Variants in RGS20 observed in about 807,000 individuals in gnomAD.
RGS20 encodes the protein gz-selective GTPase-activating protein.
RGS20 carries 30 observed loss-of-function variants against 33.6 expected under a neutral mutation model. The ratio of observed to expected loss-of-function variants is 0.89; its 90% CI spans 0.67 to 1.21. The LOEUF (loss-of-function observed/expected upper bound fraction) is 1.21. Among genes scored for constraint, RGS20 ranks in the 50% most tolerant of loss-of-function variants. The pLI is 0.00. For synonymous variants in RGS20, 208 were observed against 197.9 expected, an observed-to-expected ratio of 1.05 and a Z score of -0.43; for missense variants, 472 against 502.4, an observed-to-expected ratio of 0.94 and a Z score of 0.58.
intron 2 of RGS20, among the ~76,000 whole-genome samples, chr8:53,892,108 T>G (rs937317930): frequency 3.9e-5 from 6 of 152,178 alleles, no homozygotes; most frequent in African/African-American, 1.4e-4. Context: ...TTCTCATTGT[T>G]CAGTTCCCAC....
At position 53,886,452 on chromosome 8, in the gene RGS20, A is replaced by G. The variant is rs1456510481; in HGVS notation, c.510+6850A>G. On this transcript the variant is annotated intron_variant, in intron 2 of 5. Transcript: ENST00000297313. ...TGAGTAATATGCTCTGTTGCCCAGC[A>G]GTGATATTTTACATGAGTTATTTCA... 2.6e-5 allele frequency among the ~76,000 whole-genome samples: 4 copies of G among 152,258 alleles called. No homozygotes were observed. In the East Asian group the frequency reaches 7.7e-4, roughly 29 times the overall value.
At chr8:53,852,625 G>A (rs1811591394) in intron 1 of RGS20, among the ~76,000 whole-genome samples, 1 of 152,088 alleles carries the variant, frequency 6.6e-6, no homozygotes, top group Non-Finnish European at 1.5e-5. Flanking sequence ...GCTGGATGTT[G>A]TGTGTATATT....
At chr8:53,957,680 A>G (rs1168141152) in intron 5 of RGS20, among the ~76,000 whole-genome samples, 2 of 152,206 alleles carry the variant, frequency 1.3e-5, no homozygotes, top group Non-Finnish European at 2.9e-5. Context: ...GGAAATAACA[A>G]GCATCAGGGG....
intron 1 of RGS20, among the ~76,000 whole-genome samples, chr8:53,861,319 T>C (rs928067990): frequency 6.6e-6 from 1 of 152,228 alleles, no homozygotes; most frequent in Non-Finnish European, 1.5e-5. Context: ...GTGAAGTTCT[T>C]GTGTGACCCT....
In RGS20 at chr8:53,935,547, T is replaced by C. The variant is rs1173911447; in HGVS notation, c.511-4029T>C. 3.3e-5 allele frequency among the ~76,000 whole-genome samples: 5 copies of C among 152,186 alleles called. No individual in the cohort carries two copies. The South Asian group carries it at 1.0e-3, about 32-fold the overall frequency. On this transcript the variant is annotated intron_variant, in intron 2 of 5. Coordinates refer to ENST00000297313, the MANE Select transcript of RGS20 (RefSeq NM_170587.4). ...CTGGACACATACACCCTCCCAAGAC[T>C]AAATCAGGAAGAAGTCAAATCCCTG...
intron 2 of RGS20, among the ~76,000 whole-genome samples, chr8:53,928,818 C>T (rs925912979): frequency 5.3e-5 from 8 of 149,692 alleles, no homozygotes; most frequent in African/African-American, 2.0e-4. Context: ...AGTAAAACTC[C>T]GTCTCAAAAA....
At position 53,859,673 on chromosome 8, in the gene RGS20, C is replaced by T. The variant is rs144707815; in HGVS notation, c.165+7609C>T. Among the ~76,000 whole-genome samples, 72 of 152,176 alleles carry T rather than the reference C, an allele frequency of 4.7e-4. No homozygotes were observed. The East Asian group carries it at 0.013, about 26-fold the overall frequency. ...TTTCATACTGCTGTGAAGAAATACC[C>T]GAGACTGGTTGATATATAAAGAAAA... On this transcript the variant is annotated intron_variant, in intron 1 of 5. Transcript: ENST00000297313.
chr8:53,930,069 T>C (rs12545995), intron 2 of RGS20, among the ~76,000 whole-genome samples: 1 of 152,256 alleles, frequency 6.6e-6, no homozygotes, highest in African/African-American at 2.4e-5. Flanking sequence ...CTTCTCAATA[T>C]TTACTCAACT....
chr8:53,855,845 A>G (rs1309920583), intron 1 of RGS20, among the ~76,000 whole-genome samples: 2 of 152,238 alleles, frequency 1.3e-5, no homozygotes, highest in Non-Finnish European at 1.5e-5. Flanking sequence ...TGTTGTGGTT[A>G]TTCCAGTTGT....
chr8:53,950,488 G>C (rs940864332), intron 4 of RGS20, among the ~76,000 whole-genome samples: 31 of 152,074 alleles, frequency 2.0e-4, no homozygotes, highest in Non-Finnish European at 4.4e-5. Flanking sequence ...TGAGTGTCAT[G>C]TCAATGCTCA....
intron 2 of RGS20, among the ~76,000 whole-genome samples, chr8:53,925,537 G>A (rs1056694468): frequency 6.6e-6 from 1 of 152,136 alleles, no homozygotes; most frequent in African/African-American, 2.4e-5. Context: ...CAGCATTTTG[G>A]GAGGCCAAGG....
intron 2 of RGS20, among the ~76,000 whole-genome samples, chr8:53,916,307 C>T (rs1028964302): frequency 6.6e-6 from 1 of 152,202 alleles, no homozygotes; most frequent in African/African-American, 2.4e-5. Context: ...CAGGCATGAG[C>T]CACTGAGCCC....
At chr8:53,957,065 C>T (rs1001688717) in intron 5 of RGS20, among the ~76,000 whole-genome samples, 6 of 152,190 alleles carry the variant, frequency 3.9e-5, no homozygotes, top group Admixed American at 3.3e-4. Context: ...GGGAAGAGCT[C>T]ACTAGGACAC....
intron 1 of RGS20, among the ~76,000 whole-genome samples, chr8:53,872,497 A>G (rs1049712708): frequency 5.9e-5 from 9 of 152,212 alleles, no homozygotes; most frequent in Non-Finnish European, 1.3e-4. Context: ...TGGAATCCCA[A>G]GCATCTAGGA....
chr8:53,957,974 T>C (rs1384788500), intron 5 of RGS20, among the ~76,000 whole-genome samples: 1 of 151,918 alleles, frequency 6.6e-6, no homozygotes, highest in Non-Finnish European at 1.5e-5. Flanking sequence ...AAACCCCGTC[T>C]CTACTAAAAA....
At chr8:53,860,540 C>T (rs765158882) in intron 1 of RGS20, among the ~76,000 whole-genome samples, 5 of 151,488 alleles carry the variant, frequency 3.3e-5, no homozygotes, top group Admixed American at 6.6e-5. Flanking sequence ...AGCCCAGGAA[C>T]CTCAGACCAG....
chr8:53,936,144 G>A (rs1814124130), intron 2 of RGS20, among the ~76,000 whole-genome samples: 1 of 152,136 alleles, frequency 6.6e-6, no homozygotes, highest in Non-Finnish European at 1.5e-5. Flanking sequence ...CCAATATCAT[G>A]TTGAATGGAC....
rs1488237309 is a variant in RGS20, at chr8:53,910,402, C to T, written c.511-29174C>T. Among the ~76,000 whole-genome samples the T allele has an allele frequency of 3.5e-5, 5 of 143,504 alleles. No homozygotes were observed. In the East Asian group the frequency reaches 1.0e-3, roughly 29 times the overall value. 94.1% of individuals were successfully genotyped at this position (143,504 alleles called of 152,430 possible). ...TAAACCCACCATGAGCTGCCACTTACGCCTATTAAAATCGCCAGGAAAAAA... is the reference window on the plus strand; with the variant it reads ...TAAACCCACCATGAGCTGCCACTTATGCCTATTAAAATCGCCAGGAAAAAA... On this transcript the variant is annotated intron_variant, in intron 2 of 5. Coordinates refer to ENST00000297313, the MANE Select transcript of RGS20 (RefSeq NM_170587.4).
At chr8:53,906,086 T>G (rs1176373759) in intron 2 of RGS20, among the ~76,000 whole-genome samples, 1 of 152,054 alleles carries the variant, frequency 6.6e-6, no homozygotes, top group Non-Finnish European at 1.5e-5. Context: ...ACATCCAACT[T>G]TAAGACCAAG....
Sources: allele counts gnomAD v4.1 joint callset (sites outside exome capture counted in the v4.1 genomes callset), GRCh38; gene constraint gnomAD v4.1.1; transcripts MANE v1.5; gene names NCBI Gene and HGNC (gene_info 2026-07-23, HGNC 2026-07-21).